Variants in KLF12 observed in about 807,000 individuals in gnomAD.
The protein encoded by KLF12 is KLF transcription factor 12.
A neutral mutation model predicts 37.8 loss-of-function variants in KLF12; 9 were observed. The ratio of observed to expected loss-of-function variants is 0.24; its 90% CI spans 0.14 to 0.42. KLF12 has a LOEUF of 0.42. KLF12 is among the 10% of genes least tolerant of loss of function. The pLI, the probability that KLF12 is intolerant of heterozygous loss-of-function variation, is 1.00. For missense variants in KLF12, 411 were observed against 516.0 expected (o/e 0.80, Z 1.97); for synonymous variants, 208 against 202.1 (o/e 1.03, Z -0.25).
chr13:73,843,968 A>G (rs1259671030), intron 4 of KLF12, among the ~76,000 whole-genome samples: 7 of 152,160 alleles, frequency 4.6e-5, no homozygotes, highest in Non-Finnish European at 8.8e-5. Context: ...TAGCAATATT[A>G]CTTTATATAT....
At chr13:74,017,735 T>G (rs975701922) in intron 1 of KLF12, among the ~76,000 whole-genome samples, 1 of 152,030 alleles carries the variant, frequency 6.6e-6, no homozygotes, top group East Asian at 1.9e-4. Context: ...ATATGTATAA[T>G]AATATTTATA....
chr13:73,999,293 A>G (rs1298628970), intron 1 of KLF12, among the ~76,000 whole-genome samples: 1 of 152,224 alleles, frequency 6.6e-6, no homozygotes, highest in Non-Finnish European at 1.5e-5. Context: ...TAAGTATCCA[A>G]TGCTCACTAA....
At chr13:73,699,235 C>T (rs917705640) in intron 7 of KLF12, among the ~76,000 whole-genome samples, 4 of 72,940 alleles carry the variant, frequency 5.5e-5, no homozygotes, top group South Asian at 4.5e-4. Context: ...AATAAAAAAA[C>T]GTAGCCAGGT....
intron 1 of KLF12, among the ~76,000 whole-genome samples, chr13:74,111,654 T>G (rs1433181495): frequency 2.6e-5 from 4 of 152,148 alleles, no homozygotes; most frequent in African/African-American, 9.7e-5. Context: ...AAAGAACACA[T>G]TTTTGTTTAA....
At chr13:73,889,843 T>C (rs1354163209) in intron 3 of KLF12, among the ~76,000 whole-genome samples, 1 of 152,078 alleles carries the variant, frequency 6.6e-6, no homozygotes, top group African/African-American at 2.4e-5. Flanking sequence ...AGGAACTAAA[T>C]ATAACCATGC....
At chr13:74,294,913 T>G in the KLF12 span, among the ~76,000 whole-genome samples, 2 of 152,324 alleles carry the variant, frequency 1.3e-5, no homozygotes, top group South Asian at 4.1e-4. Flanking sequence ...CTCCTTATTT[T>G]TCTTTCAAAA....
intron 5 of KLF12, among the ~76,000 whole-genome samples, chr13:73,812,559 T>A (rs927391739): frequency 6.8e-6 from 1 of 146,838 alleles, no homozygotes; most frequent in African/African-American, 2.6e-5. Flanking sequence ...AAAACATGGA[T>A]TTTTTTTTTC....
intron 6 of KLF12, among the ~76,000 whole-genome samples, chr13:73,746,810 C>T (rs111834178): frequency 0.017 from 2,070 of 119,824 alleles, 64 homozygotes; most frequent in African/African-American, 0.063. Context: ...TCCCTCCCTC[C>T]TTTTTTTTTT....
the KLF12 span, among the ~76,000 whole-genome samples, chr13:74,184,472 C>T: frequency 6.6e-6 from 1 of 152,116 alleles, no homozygotes; most frequent in Admixed American, 6.6e-5. Context: ...TTGACCAACT[C>T]CCAAGGATGC....
At chr13:74,094,287 A>C (rs1875849555) in intron 1 of KLF12, among the ~76,000 whole-genome samples, 1 of 152,244 alleles carries the variant, frequency 6.6e-6, no homozygotes, top group Non-Finnish European at 1.5e-5. Flanking sequence ...AATAACTATA[A>C]CATTTACATT....
intron 7 of KLF12, among the ~76,000 whole-genome samples, chr13:73,697,869 C>A (rs1265580699): frequency 6.6e-6 from 1 of 152,140 alleles, no homozygotes; most frequent in East Asian, 1.9e-4. Flanking sequence ...ATTAGATAAA[C>A]TGGCTGGGTG....
intron 1 of KLF12, among the ~76,000 whole-genome samples, chr13:74,073,474 T>C (rs1874392211): frequency 6.6e-6 from 1 of 152,134 alleles, no homozygotes; most frequent in African/African-American, 2.4e-5. Context: ...TTCAGGCTGT[T>C]TTTAGAGAAA....
intron 6 of KLF12, among the ~76,000 whole-genome samples, chr13:73,728,162 A>C (rs1472483290): frequency 1.3e-5 from 2 of 152,244 alleles, no homozygotes. Context: ...TTCAACGTTC[A>C]AGCCTTACAT....
chr13:73,903,151 T>G (rs1888113250), intron 3 of KLF12, among the ~76,000 whole-genome samples: 3 of 152,246 alleles, frequency 2.0e-5, no homozygotes, highest in African/African-American at 7.2e-5. Flanking sequence ...AAAAGATATC[T>G]TCTCACTTGG....
chr13:74,072,364 A>AATATATATAGAT, intron 1 of KLF12, among the ~76,000 whole-genome samples: 1 of 63,064 alleles, frequency 1.6e-5, no homozygotes, highest in South Asian at 8.0e-4. Context: ...AAGAAATACA[A>AATATATATAGAT]ATATATATAT....
chr13:73,704,742 G>A (rs1227564589), intron 7 of KLF12, among the ~76,000 whole-genome samples: 1 of 152,080 alleles, frequency 6.6e-6, no homozygotes, highest in Admixed American at 6.6e-5. Flanking sequence ...TGTGATTGAA[G>A]GTTTTCCTCT....
intron 2 of KLF12, among the ~76,000 whole-genome samples, chr13:73,950,496 C>G (rs1566478420): frequency 6.6e-6 from 1 of 152,222 alleles, no homozygotes; most frequent in African/African-American, 2.4e-5. Flanking sequence ...CATTCATACT[C>G]TGAAAAACTG....
chr13:74,219,005 AGGCTGGAG>A, the KLF12 span, among the ~76,000 whole-genome samples: 2 of 148,438 alleles, frequency 1.3e-5, no homozygotes, highest in African/African-American at 5.0e-5. Flanking sequence ...TTTGTCACTC[AGGCTGGAG>A]GGCAGTGGGG....
At chr13:74,067,682 C>T (rs940519912) in intron 1 of KLF12, among the ~76,000 whole-genome samples, 1 of 137,574 alleles carries the variant, frequency 7.3e-6, no homozygotes, top group East Asian at 1.9e-4. Flanking sequence ...AGACAGTAAC[C>T]AACCAAAGAA....
Sources: gnomAD v4.1 joint callset for allele counts (sites outside exome capture counted in the v4.1 genomes callset) on GRCh38, gnomAD v4.1.1 for gene constraint, MANE v1.5 for transcripts, NCBI Gene and HGNC (gene_info 2026-07-23, HGNC 2026-07-21) for gene names.